The following DAAM2 variants were observed in gnomAD, a reference collection of about 807,000 sequenced individuals.
DAAM2 encodes the protein disheveled-associated activator of morphogenesis 2.
Under a neutral mutation model 120.7 loss-of-function variants are expected in DAAM2, and 39 were observed. The ratio of observed to expected loss-of-function variants is 0.32; its 90% CI spans 0.25 to 0.42. DAAM2 has a LOEUF of 0.42. Ranked by LOEUF, DAAM2 falls within the 10% of genes least tolerant of loss-of-function variation. The probability of loss-of-function intolerance (pLI) is 1.00; values close to 1 mark genes in which losing one functional copy is unlikely to be tolerated. For missense variants in DAAM2, 1,283 were observed against 1,401.7 expected (o/e 0.92, Z 1.35); for synonymous variants, 488 against 524.9 (o/e 0.93, Z 0.96).
At chr6:39,809,937 C>T (rs1762114612) in intron 1 of DAAM2, among the ~76,000 whole-genome samples, 1 of 152,230 alleles carries the variant, frequency 6.6e-6, no homozygotes, top group African/African-American at 2.4e-5. Flanking sequence ...GGCTCCCTCT[C>T]TCTCTCTCTT....
At chr6:39,883,296 T>C (rs981516186) in intron 14 of DAAM2, among the ~76,000 whole-genome samples, 4 of 151,758 alleles carry the variant, frequency 2.6e-5, no homozygotes, top group Non-Finnish European at 4.4e-5. Flanking sequence ...TGTAAAACCC[T>C]GGACATATCC....
chr6:39,804,525 TG>T (rs1561994163), intron 1 of DAAM2, among the ~76,000 whole-genome samples: 1 of 108,536 alleles, frequency 9.2e-6, no homozygotes, highest in Non-Finnish European at 2.1e-5. Flanking sequence ...ATCAGTTCTG[TG>T]TGTGTGTGTG....
At chr6:39,794,195 A>G (rs1383199827) in intron 1 of DAAM2, among the ~76,000 whole-genome samples, 5 of 151,326 alleles carry the variant, frequency 3.3e-5, no homozygotes, top group African/African-American at 9.8e-5. Context: ...TGTAAACAGG[A>G]GTGACTGGTC....
intron 1 of DAAM2, among the ~76,000 whole-genome samples, chr6:39,805,547 T>C (rs2114026727): frequency 6.8e-6 from 1 of 146,048 alleles, no homozygotes; most frequent in Middle Eastern, 3.5e-3. Context: ...GAAAGAAGTA[T>C]CCTAAGGTTA....
At chr6:39,894,727 C>T (rs1347937890) in intron 19 of DAAM2, among the ~76,000 whole-genome samples, 1 of 151,728 alleles carries the variant, frequency 6.6e-6, no homozygotes, top group Non-Finnish European at 1.5e-5. Flanking sequence ...CTCAAGGTAT[C>T]CTCCCATCTC....
At chr6:39,798,992 C>G (rs184522739) in intron 1 of DAAM2, among the ~76,000 whole-genome samples, 1 of 152,198 alleles carries the variant, frequency 6.6e-6, no homozygotes, top group Non-Finnish European at 1.5e-5. Flanking sequence ...CAAACCATAT[C>G]AACTAGGCCC....
intron 3 of DAAM2, 197 bp downstream of exon 3, chr6:39,861,214 T>C: frequency 1.5e-6 from 1 of 667,094 alleles, no homozygotes; most frequent in Non-Finnish European, 2.8e-6. Context: ...AATAGGATTC[T>C]CTTTTTCAAA....
intron 1 of DAAM2, among the ~76,000 whole-genome samples, chr6:39,826,140 G>T (rs1762664404): frequency 6.6e-6 from 1 of 152,180 alleles, no homozygotes; most frequent in East Asian, 1.9e-4. Flanking sequence ...ATAGTGGGGA[G>T]AAATGATAAA....
At position 39,832,854 on chromosome 6, in the gene DAAM2, T is replaced by C. The variant is rs113437086; in HGVS notation, c.-56-23393T>C. 4.2e-3 allele frequency among the ~76,000 whole-genome samples: 640 copies of C among 152,284 alleles called. 4 individuals carry two copies. The highest frequency in any genetic ancestry group is 0.014 in the African/African-American group (584 of 41,568). On this transcript the variant is annotated intron_variant, in intron 1 of 24. Transcript: ENST00000274867. Reference sequence around the variant, plus strand: ...CCAGGTCTGGTCCGGTCCCCAGGGCTTCTGAGGGTAGACTTGGCACCCACT... The same window carrying C: ...CCAGGTCTGGTCCGGTCCCCAGGGCCTCTGAGGGTAGACTTGGCACCCACT...
At chr6:39,896,492 C>T (rs888070626) in intron 19 of DAAM2, among the ~76,000 whole-genome samples, 13 of 152,254 alleles carry the variant, frequency 8.5e-5, no homozygotes, top group East Asian at 1.9e-4. Context: ...TGTGAGCCAC[C>T]GCAACCGGCC....
intron 15 of DAAM2, chr6:39,886,330 C>A: frequency 2.5e-6 from 1 of 398,554 alleles, no homozygotes; most frequent in Non-Finnish European, 4.4e-6. Context: ...GCTGAGGGAT[C>A]CCTGTGTCTG....
At position 39,904,633 on chromosome 6, in the gene DAAM2, G is replaced by A. The variant is rs374151993; in HGVS notation, c.*2596G>A. On this transcript the variant is annotated 3_prime_UTR_variant, in exon 25 of 25. Transcript: ENST00000274867. ...AAAATTCTCCAGGTGAATGGGGAAGGGTCTGTTCCAGCCTCTCCCTACTCC... is the reference window on the plus strand; with the variant it reads ...AAAATTCTCCAGGTGAATGGGGAAGAGTCTGTTCCAGCCTCTCCCTACTCC... The A allele has an allele frequency of 1.4e-4, 64 of 454,092 alleles. No homozygotes were observed. The highest frequency in any genetic ancestry group is 1.2e-3 in the African/African-American group (60 of 50,074). The allele number at this position is 454,092 out of a possible 1,614,324, so 28.1% of individuals were successfully genotyped here.
intron 1 of DAAM2, among the ~76,000 whole-genome samples, chr6:39,849,514 G>T (rs1763727263): frequency 6.6e-6 from 1 of 152,162 alleles, no homozygotes; most frequent in Non-Finnish European, 1.5e-5. Flanking sequence ...TATGAATTAT[G>T]TACTATTATA....
intron 6 of DAAM2, 38 bp from the exon 7 acceptor site, chr6:39,868,785 A>G: frequency 6.7e-7 from 1 of 1,486,278 alleles, no homozygotes. Context: ...TTGGGAACTC[A>G]GCCCTCTCCT....
intron 1 of DAAM2, among the ~76,000 whole-genome samples, chr6:39,825,515 A>AGT (rs1018657047): frequency 6.6e-6 from 1 of 151,674 alleles, no homozygotes. Flanking sequence ...CAGCTCTGCC[A>AGT]GTGTGTGTGT....
chr6:39,848,027 C>G (rs770391464), intron 1 of DAAM2, among the ~76,000 whole-genome samples: 3 of 152,196 alleles, frequency 2.0e-5, no homozygotes, highest in Non-Finnish European at 4.4e-5. Context: ...TCTCATTCAT[C>G]TGGGCTGTCG....
chr6:39,893,201 C>T (rs987172006), intron 19 of DAAM2, among the ~76,000 whole-genome samples: 1 of 152,216 alleles, frequency 6.6e-6, no homozygotes, highest in African/African-American at 2.4e-5. Flanking sequence ...CAGACAGTTT[C>T]CTGCTCCCAG....
At chr6:39,836,152 C>T (rs774833561) in intron 1 of DAAM2, among the ~76,000 whole-genome samples, 1 of 152,114 alleles carries the variant, frequency 6.6e-6, no homozygotes, top group African/African-American at 2.4e-5. Context: ...CACAGCAGAC[C>T]TCCCCCCTGT....
chr6:39,794,454 GAAT>G (rs1454787120), intron 1 of DAAM2, among the ~76,000 whole-genome samples: 1 of 152,192 alleles, frequency 6.6e-6, no homozygotes, highest in Admixed American at 6.5e-5. Context: ...GATGCTGAGG[GAAT>G]ACTCGTGCCC....
Sources: allele counts gnomAD v4.1 joint callset (sites outside exome capture counted in the v4.1 genomes callset), GRCh38; gene constraint gnomAD v4.1.1; transcripts MANE v1.5; gene names NCBI Gene and HGNC (gene_info 2026-07-23, HGNC 2026-07-21).